The following TRIO variants were observed in gnomAD, a reference collection of about 807,000 sequenced individuals.
TRIO encodes triple functional domain protein.
TRIO carries 58 observed loss-of-function variants against 351.9 expected under a neutral mutation model. The observed-to-expected ratio is 0.16, with a 90% CI of 0.13 to 0.21. The LOEUF (loss-of-function observed/expected upper bound fraction) is 0.21, where lower values mean the gene tolerates loss of function less well. Among genes scored for constraint, TRIO ranks in the 10% least tolerant of loss-of-function variants. The pLI is 1.00. For missense variants in TRIO, 3,201 were observed against 4,027.8 expected (o/e 0.79, Z 5.56); for synonymous variants, 1,758 against 1,595.7 (o/e 1.10, Z -2.42).
chr5:14,483,453 T>G (rs966809950), intron 46 of TRIO, among the ~76,000 whole-genome samples: 1 of 152,130 alleles, frequency 6.6e-6, no homozygotes, highest in African/African-American at 2.4e-5. Flanking sequence ...GTACTTCCCT[T>G]TGGTAGGGCC....
At chr5:14,418,245 C>CT (rs1357246535) in intron 33 of TRIO, among the ~76,000 whole-genome samples, 15 of 152,236 alleles carry the variant, frequency 9.9e-5, no homozygotes, top group Admixed American at 9.8e-4. Context: ...CTTCTGGCCA[C>CT]TGGGGGGGAC....
At chr5:14,329,593 G>C (rs753791844) in intron 9 of TRIO, among the ~76,000 whole-genome samples, 5 of 152,232 alleles carry the variant, frequency 3.3e-5, no homozygotes, top group Non-Finnish European at 4.4e-5. Context: ...AAGGTGTTTT[G>C]TTAGAGCAGG....
Position 14,331,219 on chromosome 5 carries a change from G to A in TRIO, c.1854+319G>A, listed in dbSNP as rs909271214. On this transcript the variant is annotated intron_variant, in intron 10 of 56. Coordinates refer to ENST00000344204, the MANE Select transcript of TRIO (RefSeq NM_007118.4). ...ATCAGGAAATAACAGTTCCTTCTGC[G>A]TTTCTATAGTAGTAGGCTAAGCCTT... 3.3e-5 allele frequency among the ~76,000 whole-genome samples: 5 copies of A among 152,146 alleles called. No individual in the cohort carries two copies. The East Asian group carries it at 5.8e-4, about 18-fold the overall frequency.
intron 11 of TRIO, among the ~76,000 whole-genome samples, chr5:14,338,777 C>T (rs1415447961): frequency 2.0e-5 from 3 of 152,120 alleles, no homozygotes; most frequent in Non-Finnish European, 2.9e-5. Flanking sequence ...TGTCAGGCAG[C>T]TGGGAGTGGC....
chr5:14,378,070 G>A lies in TRIO; in HGVS notation c.3390G>A (p.Arg1130=), dbSNP rs753293178. The A allele has an allele frequency of 2.5e-6, 4 of 1,613,728 alleles. No homozygotes were observed. The South Asian group carries it at 4.4e-5, about 18-fold the overall frequency. The change falls in exon 20 of 57, where the codon AGG becomes AGA. Residue 1130 remains arginine (R), a synonymous_variant. Coordinates refer to ENST00000344204, the MANE Select transcript of TRIO (RefSeq NM_007118.4). ...GGGTATTGCATTACTGGACCATGAGGAAGAGACGGCTGGACCAGTGTCAGC... is the reference window on the plus strand; with the variant it reads ...GGGTATTGCATTACTGGACCATGAGAAAGAGACGGCTGGACCAGTGTCAGC... ...ENRVLHYWTM[R]KRRLDQCQQY...
At chr5:14,434,744 T>C (rs565122537) in intron 34 of TRIO, among the ~76,000 whole-genome samples, 2 of 152,360 alleles carry the variant, frequency 1.3e-5, no homozygotes, top group African/African-American at 4.8e-5. Context: ...TTTAGGTTGA[T>C]GCAAAAGTAA....
At chr5:14,269,753 T>C (rs528667776) in intron 1 of TRIO, among the ~76,000 whole-genome samples, 1 of 152,344 alleles carries the variant, frequency 6.6e-6, no homozygotes, top group East Asian at 1.9e-4. Context: ...CTCCTTGACT[T>C]CAGTACTTTC....
intron 18 of TRIO, among the ~76,000 whole-genome samples, chr5:14,371,387 A>C (rs1745090268): frequency 6.6e-6 from 1 of 152,150 alleles, no homozygotes; most frequent in African/African-American, 2.4e-5. Flanking sequence ...ATATGTACAA[A>C]AGGAGAGAGA....
At chr5:14,371,553 T>C (rs1474793071) in intron 18 of TRIO, among the ~76,000 whole-genome samples, 2 of 152,174 alleles carry the variant, frequency 1.3e-5, no homozygotes, top group Non-Finnish European at 2.9e-5. Flanking sequence ...ACAAATAAAA[T>C]ACCATTATCA....
intron 31 of TRIO, among the ~76,000 whole-genome samples, chr5:14,403,286 T>C (rs372393131): frequency 4.4e-4 from 36 of 81,666 alleles, no homozygotes; most frequent in African/African-American, 7.0e-4. Flanking sequence ...GGTGAGGGTG[T>C]AGGTTGTGGT....
At chr5:14,274,245 G>A (rs183590828) in intron 2 of TRIO, among the ~76,000 whole-genome samples, 10 of 152,288 alleles carry the variant, frequency 6.6e-5, no homozygotes, top group Admixed American at 5.9e-4. Flanking sequence ...TTTAGGAAGC[G>A]AGGAATCCAG....
intron 1 of TRIO, among the ~76,000 whole-genome samples, chr5:14,238,937 G>A (rs1793956578): frequency 1.3e-5 from 2 of 152,150 alleles, no homozygotes; most frequent in Admixed American, 1.3e-4. Context: ...ATAAAAACAG[G>A]TACTTCGTAG....
At chr5:14,318,986 G>A (rs1055730282) in intron 9 of TRIO, among the ~76,000 whole-genome samples, 1 of 152,000 alleles carries the variant, frequency 6.6e-6, no homozygotes, top group African/African-American at 2.4e-5. Context: ...GTTAGAAAAG[G>A]GCACAAGGTA....
intron 34 of TRIO, among the ~76,000 whole-genome samples, chr5:14,451,528 C>T (rs1029611621): frequency 2.0e-5 from 3 of 152,160 alleles, no homozygotes; most frequent in Admixed American, 2.0e-4. Context: ...TACAGCCTCC[C>T]TTGTATGGTG....
At chr5:14,226,569 A>T (rs79245846) in intron 1 of TRIO, among the ~76,000 whole-genome samples, 1 of 152,246 alleles carries the variant, frequency 6.6e-6, no homozygotes, top group Admixed American at 6.5e-5. Flanking sequence ...TTATAAAAGT[A>T]GTTTTCTTTT....
chr5:14,415,195 T>C (rs1398529698), intron 33 of TRIO, among the ~76,000 whole-genome samples: 1 of 152,202 alleles, frequency 6.6e-6, no homozygotes, highest in Admixed American at 6.5e-5. Flanking sequence ...CCTTTTGCTT[T>C]TGAATTGCTC....
At chr5:14,256,429 G>T (rs766888281) in intron 1 of TRIO, among the ~76,000 whole-genome samples, 1 of 152,270 alleles carries the variant, frequency 6.6e-6, no homozygotes, top group African/African-American at 2.4e-5. Flanking sequence ...CAGAAAGTCC[G>T]CATAGTGGTT....
chr5:14,373,790 G>A (rs60892841), intron 18 of TRIO, among the ~76,000 whole-genome samples: 14,429 of 152,218 alleles, frequency 0.095, 1,050 homozygotes, highest in African/African-American at 0.21. Flanking sequence ...GAAACAGACT[G>A]TATGACCCCC....
intron 37 of TRIO, among the ~76,000 whole-genome samples, chr5:14,468,693 A>G (rs1475274682): frequency 6.6e-6 from 1 of 152,220 alleles, no homozygotes; most frequent in African/African-American, 2.4e-5. Flanking sequence ...AAGCATCCAC[A>G]TGTGTTTTCT....
Sources: allele counts gnomAD v4.1 joint callset (sites outside exome capture counted in the v4.1 genomes callset), GRCh38; gene constraint gnomAD v4.1.1; transcripts MANE v1.5; gene names NCBI Gene and HGNC (gene_info 2026-07-23, HGNC 2026-07-21).